Variants in PNMA8A observed in about 807,000 individuals in gnomAD.
PNMA8A encodes the protein paraneoplastic antigen-like protein 8A.
Under a neutral mutation model 26.6 loss-of-function variants are expected in PNMA8A, and 17 were observed. The observed-to-expected ratio is 0.64, with a 90% CI of 0.44 to 0.96. The LOEUF is 0.96. Among genes scored for constraint, PNMA8A ranks in the 40% least tolerant of loss-of-function variants. PNMA8A has a pLI of 0.00. For missense variants in PNMA8A, 532 were observed against 488.4 expected, an observed-to-expected ratio of 1.09 and a Z score of -0.84; for synonymous variants, 224 against 182.0, an observed-to-expected ratio of 1.23 and a Z score of -1.86.
rs12978825 is a variant in PNMA8A, at chr19:46,471,049, A to C, written c.-14T>G. On this transcript the variant is annotated 5_prime_UTR_variant, in exon 2 of 3. Transcript: ENST00000313683. ...GGTCTTGGACATTTAGCGGCTCTGA[A>C]CCTACTATGTGTAGTAAATAGTCTA... 170,502 of 751,042 alleles carry C rather than the reference A, an allele frequency of 0.23. 20,427 individuals are homozygous for C. Among genetic ancestry groups the C allele is most frequent in the African/African-American group, 0.31 (18,070 of 58,446 alleles). The allele number at this position is 751,042 out of a possible 1,614,324, so 46.5% of individuals were successfully genotyped here. A position where few individuals can be genotyped will look rare whatever the true frequency, so the allele number is the denominator to read the frequency against.
In PNMA8A at chr19:46,470,840, C is replaced by T. The variant is rs35822489; in HGVS notation, c.196G>A (p.Val66Ile). The T allele has an allele frequency of 7.9e-5, 62 of 781,274 alleles. No individual in the cohort carries two copies. In the African/African-American group the frequency reaches 9.8e-4, roughly 12 times the overall value. The allele number at this position is 781,274 out of a possible 1,614,324, so 48.4% of individuals were successfully genotyped here. A position where few individuals can be genotyped will look rare whatever the true frequency, so the allele number is the denominator to read the frequency against. The change falls in exon 2 of 3, where the codon GTT becomes ATT. Residue 66 changes from valine (V) to isoleucine (I), a missense_variant. Transcript: ENST00000313683. ...LNKIFVREEN[V>I]KAALIEVGEG... ...CCAACCTCAATGAGGGCAGCTTTAA[C>T]ATTCTCTTCCCTCACAAAAATCTTG...
rs377335947 is a variant in PNMA8A, at chr19:46,470,175, C to A, written c.861G>T (p.Pro287=). Residue 287 remains proline (P), a synonymous_variant, in exon 2 of 3, where the codon CCG becomes CCT. Coordinates refer to ENST00000313683, the MANE Select transcript of PNMA8A (RefSeq NM_018215.4). ...GDAESMAISE[P]IKGSRKPCVN... is the part of the protein sequence containing the mutation. ...CACAGGGCTTTCTGCTGCCCTTGAT[C>A]GGCTCTGAGATCGCCATGCTTTCAG... The A allele has an allele frequency of 6.2e-5, 100 of 1,614,008 alleles. No homozygotes were observed. The South Asian group carries it at 9.8e-4, about 16-fold the overall frequency.
intron 2 of PNMA8A, 126 bp from the exon 3 acceptor site, chr19:46,468,703 T>C: frequency 1.4e-6 from 1 of 738,622 alleles, no homozygotes; most frequent in South Asian, 1.6e-5. Context: ...CTAGAAAACT[T>C]CACCCTTAAA....
chr19:46,468,670 A>G, intron 2 of PNMA8A, 93 bp from the exon 3 acceptor site: 2 of 1,018,532 alleles, frequency 2.0e-6, no homozygotes, highest in South Asian at 1.3e-5. Flanking sequence ...GTCCCTGAAC[A>G]TTTCTATTCC....
Position 46,466,716 on chromosome 19 carries a change from C to T in PNMA8A, c.*1845G>A, listed in dbSNP as rs1969711688. 6.6e-6 allele frequency: 1 copy of T among 152,136 alleles called. No individual in the cohort carries two copies. The highest frequency in any genetic ancestry group is 2.1e-4 in the South Asian group (1 of 4,830). 9.4% of individuals were successfully genotyped at this position (152,136 alleles called of 1,614,324 possible). A position where few individuals can be genotyped will look rare whatever the true frequency, so the allele number is the denominator to read the frequency against. On this transcript the variant is annotated 3_prime_UTR_variant, in exon 3 of 3. Transcript: ENST00000313683. The stretch of plus-strand genomic sequence containing the variant: ...ATGCACACAGCTGTGTAGCTGCAAA[C>T]GGAAACCACTCTCTTTTCTCTCGTA...
rs756598316 is a variant in PNMA8A, at chr19:46,469,836, T to G, written c.1200A>C (p.Ser400=). Residue 400 remains serine, a synonymous_variant, in exon 2 of 3, where the codon TCA becomes TCC. Coordinates refer to ENST00000313683, the MANE Select transcript of PNMA8A (RefSeq NM_018215.4). ...GCTGGCCCCGAGGGGCCTTCTGATCTGATGCCTCCCTTCTTGAGCCTGGCC... is the reference window on the plus strand; with the variant it reads ...GCTGGCCCCGAGGGGCCTTCTGATCGGATGCCTCCCTTCTTGAGCCTGGCC... ...KKGPGSRREA[S]DQKAPRGQQP... is the part of the protein sequence containing the mutation. 4 of 1,614,252 alleles carry G rather than the reference T, an allele frequency of 2.5e-6. No homozygotes were observed. Among genetic ancestry groups the G allele is most frequent in the Non-Finnish European group, 2.5e-6 (3 of 1,180,034 alleles).
rs756944483 is a variant in PNMA8A at position 46,470,609 on chromosome 19, G to C, written c.427C>G (p.Pro143Ala). Residue 143 changes from proline to alanine, a missense_variant, in exon 2 of 3, where the codon CCA becomes GCA. Physicochemically the swap from Pro to Ala is conservative, Grantham distance 27. Transcript: ENST00000313683. ...CCCAGAGCTTCTGCCCAGTTCTCTG[G>C]GGGCTGATGCTGGTTCTGGGACAGG... Reference protein sequence around the residue: ...PTLSQNQHQPPENWAEALGVL... With the variant: ...PTLSQNQHQPAENWAEALGVL... 1.2e-6 allele frequency: 2 copies of C among 1,612,628 alleles called. No individual in the cohort carries two copies. The highest frequency in any genetic ancestry group is 1.7e-6 in the Non-Finnish European group (2 of 1,178,654).
Position 46,471,092 on chromosome 19 carries a change from G to A in PNMA8A, c.-57C>T, listed in dbSNP as rs1601489447. ...ATAGTCTATCAGGTGGACGTGGGCT[G>A]CAGCGGTCTCCAAACAGTAATCCTG... On this transcript the variant is annotated 5_prime_UTR_variant, in exon 2 of 3. Coordinates refer to ENST00000313683, the MANE Select transcript of PNMA8A (RefSeq NM_018215.4). The A allele has an allele frequency of 1.5e-6, 1 of 681,576 alleles. No homozygotes were observed. The highest frequency in any genetic ancestry group is 2.5e-4 in the Middle Eastern group (1 of 4,000). 42.2% of individuals were successfully genotyped at this position (681,576 alleles called of 1,614,324 possible).
rs1268804306 is a variant in PNMA8A at position 46,468,392 on chromosome 19, C to T, written c.*169G>A. The T allele has an allele frequency of 1.7e-6, 1 of 577,624 alleles. No homozygotes were observed. Among genetic ancestry groups the T allele is most frequent in the Non-Finnish European group, 3.2e-6 (1 of 315,504 alleles). The allele number at this position is 577,624 out of a possible 1,614,324, so 35.8% of individuals were successfully genotyped here. A position where few individuals can be genotyped will look rare whatever the true frequency, so the allele number is the denominator to read the frequency against. On this transcript the variant is annotated 3_prime_UTR_variant, in exon 3 of 3. Coordinates refer to ENST00000313683, the MANE Select transcript of PNMA8A (RefSeq NM_018215.4). ...GGGCATAGAGATCCACCTCCCTTCCCCAACTCCCTCCCACCCAAGACCTCA... is the reference window on the plus strand; with the variant it reads ...GGGCATAGAGATCCACCTCCCTTCCTCAACTCCCTCCCACCCAAGACCTCA...
rs754102700 is a variant in PNMA8A at position 46,468,498 on chromosome 19, A to G, written c.*63T>C. 1 of 1,515,944 alleles carries G rather than the reference A, an allele frequency of 6.6e-7. No individual in the cohort carries two copies. Among genetic ancestry groups the G allele is most frequent in the Non-Finnish European group, 9.2e-7 (1 of 1,090,808 alleles). The allele number at this position is 1,515,944 out of a possible 1,614,324, so 93.9% of individuals were successfully genotyped here. On this transcript the variant is annotated 3_prime_UTR_variant, in exon 3 of 3. Transcript: ENST00000313683. ...AAGTCTTATTCAGTGACAAGAGAGA[A>G]CTTGGTTGACTTGGTACTTCTTCCT...
chr19:46,470,036 C>T lies in PNMA8A; in HGVS notation c.1000G>A (p.Glu334Lys). 1.3e-6 allele frequency: 2 copies of T among 1,597,890 alleles called. No homozygotes were observed. The highest frequency in any genetic ancestry group is 1.7e-6 in the Non-Finnish European group (2 of 1,173,776). The change falls in exon 2 of 3, where the codon GAG becomes AAG. Residue 334 changes from glutamate (E) to lysine (K), a missense_variant. Transcript: ENST00000313683. ...AEAESPGGAS[E>K]SDQDGGHESP... ...TCATGGCCACCATCTTGGTCTGACT[C>T]AGAGGCGCCTCCTGGGCTCTCGGCT...
chr19:46,470,538 G>C lies in PNMA8A; in HGVS notation c.498C>G (p.Ala166=), dbSNP rs780410419. Residue 166 remains alanine, a synonymous_variant, in exon 2 of 3, where the codon GCC becomes GCG. Transcript: ENST00000313683. ...TGGCTTCCTCCCGGCTGCGGATCTC[G>C]GCATCCATGCAGAAGATGATCTGCA... is the stretch of plus-strand genomic sequence containing the variant. ...AVVQIIFCMD[A]EIRSREEARA... is the part of the protein sequence containing the mutation. The C allele has an allele frequency of 1.9e-6, 3 of 1,613,974 alleles. No homozygotes were observed. Among genetic ancestry groups the C allele is most frequent in the East Asian group, 2.2e-5 (1 of 44,876 alleles).
At position 46,466,555 on chromosome 19, in the gene PNMA8A, G is replaced by A. The variant is rs1050530615; in HGVS notation, c.*2006C>T. On this transcript the variant is annotated 3_prime_UTR_variant, in exon 3 of 3. Coordinates refer to ENST00000313683, the MANE Select transcript of PNMA8A (RefSeq NM_018215.4). Reference sequence around the variant, plus strand: ...TACACGTTTACATTTACTAGTCATGGTGTCAACTTGTTAACACAACGAAGC... The same window carrying A: ...TACACGTTTACATTTACTAGTCATGATGTCAACTTGTTAACACAACGAAGC... The A allele has an allele frequency of 5.3e-5, 8 of 152,234 alleles. No individual in the cohort carries two copies. In the South Asian group the frequency reaches 1.7e-3, roughly 32 times the overall value. 9.4% of individuals were successfully genotyped at this position (152,234 alleles called of 1,614,324 possible).
Position 46,470,350 on chromosome 19 carries a change from T to G in PNMA8A, c.686A>C (p.Lys229Thr). 1 of 1,614,066 alleles carries G rather than the reference T, an allele frequency of 6.2e-7. No individual in the cohort carries two copies. Among genetic ancestry groups the G allele is most frequent in the East Asian group, 2.2e-5 (1 of 44,882 alleles). The change falls in exon 2 of 3, where the codon AAA becomes ACA. Residue 229 changes from lysine to threonine, a missense_variant. Transcript: ENST00000313683. Reference sequence around the variant, plus strand: ...AGCTCCAGCCCTGCGAACCAAAGGTTTGGTAGGCTCATGCTGGTCTTCCGT... The same window carrying G: ...AGCTCCAGCCCTGCGAACCAAAGGTGTGGTAGGCTCATGCTGGTCTTCCGT... ...NATEDQHEPT[K>T]PLVRRAGAKS...
Position 46,470,394 on chromosome 19 carries a change from G to C in PNMA8A, c.642C>G (p.Thr214=), listed in dbSNP as rs764189856. ...AEVGSALKAE[T]PNNWNATEDQ... ...CTTCCGTGGCATTCCAGTTGTTGGG[G>C]GTCTCTGCCTTTAAGGCAGAACCCA... The change falls in exon 2 of 3, where the codon ACC becomes ACG. Residue 214 remains threonine, a synonymous_variant. Transcript: ENST00000313683. 6.2e-7 allele frequency: 1 copy of C among 1,614,002 alleles called. No homozygotes were observed. The highest frequency in any genetic ancestry group is 1.1e-5 in the South Asian group (1 of 91,082).
Position 46,470,495 on chromosome 19 carries a change from C to T in PNMA8A, c.541G>A (p.Glu181Lys), listed in dbSNP as rs1339661864. The T allele has an allele frequency of 2.5e-6, 4 of 1,613,770 alleles. No homozygotes were observed. In the Admixed American group the frequency reaches 5.0e-5, roughly 20 times the overall value. ...REEARAQEAA[E>K]FEEMAAWALA... ...GCCCAGGCTGCCATCTCCTCGAATT[C>T]AGCGGCCTCCTGGGCCCTGGCTTCC... Residue 181 changes from glutamate to lysine, a missense_variant, in exon 2 of 3, where the codon GAA (glutamate) becomes AAA (lysine). Glu to Lys is a moderately conservative substitution (Grantham distance 56). Coordinates refer to ENST00000313683, the MANE Select transcript of PNMA8A (RefSeq NM_018215.4).
intron 2 of PNMA8A, among the ~76,000 whole-genome samples, chr19:46,469,449 G>C (rs1969751471): frequency 6.6e-6 from 1 of 152,128 alleles, no homozygotes; most frequent in Non-Finnish European, 1.5e-5. Flanking sequence ...TGGGTCAGAT[G>C]GAGTGGCAAA....
intron 1 of PNMA8A, 34 bp from the exon 2 acceptor site, chr19:46,471,148 C>T: frequency 3.3e-6 from 2 of 610,800 alleles, no homozygotes; most frequent in Non-Finnish European, 5.8e-6. Context: ...GTCACGTTCC[C>T]AGGAAGATGA....
rs1256823527 is a variant in PNMA8A at position 46,468,707 on chromosome 19, C to T, written c.1304-130G>A. On this transcript the variant is annotated intron_variant, in intron 2 of 2. Transcript: ENST00000313683. Reference sequence around the variant, plus strand: ...CAGCCAGGTCTCTAGAAAACTTCACCCTTAAAGCCACATACCCTGCAAACA... The same window carrying T: ...CAGCCAGGTCTCTAGAAAACTTCACTCTTAAAGCCACATACCCTGCAAACA... 9.7e-6 allele frequency: 7 copies of T among 719,930 alleles called. No homozygotes were observed. The African/African-American group carries it at 1.2e-4, about 13-fold the overall frequency. 44.6% of individuals were successfully genotyped at this position (719,930 alleles called of 1,614,324 possible).
Sources: allele counts gnomAD v4.1 joint callset (sites outside exome capture counted in the v4.1 genomes callset), GRCh38; gene constraint gnomAD v4.1.1; transcripts MANE v1.5; gene names NCBI Gene and HGNC (gene_info 2026-07-23, HGNC 2026-07-21).